Variants in MACROD1 observed in about 807,000 individuals in gnomAD.
MACROD1 encodes the protein ADP-ribose glycohydrolase MACROD1.
MACROD1 carries 31 observed loss-of-function variants against 41.4 expected under a neutral mutation model. The observed-to-expected ratio is 0.75, with a 90% CI of 0.56 to 1.01. The LOEUF is 1.01. Among genes scored for constraint, MACROD1 ranks in the 50% least tolerant of loss-of-function variants. The probability of loss-of-function intolerance (pLI) is 0.00; values close to 1 mark genes in which losing one functional copy is unlikely to be tolerated. For missense variants in MACROD1, 473 were observed against 460.0 expected, an observed-to-expected ratio of 1.03 and a Z score of -0.26; for synonymous variants, 252 against 203.4, an observed-to-expected ratio of 1.24 and a Z score of -2.03.
At chr11:64,118,242 C>G in intron 3 of MACROD1, 2 of 1,605,152 alleles carry the variant, frequency 1.2e-6, no homozygotes, top group Non-Finnish European at 1.7e-6. Context: ...CGGCACCACG[C>G]GGGGCTACCG....
intron 1 of MACROD1, among the ~76,000 whole-genome samples, chr11:64,159,320 G>GAAAAAAA (rs34061690): frequency 9.6e-6 from 1 of 104,018 alleles, no homozygotes; most frequent in Non-Finnish European, 1.9e-5. Flanking sequence ...CTCCGTCTCA[G>GAAAAAAA]AAAAAAAAAA....
At chr11:64,092,154 C>T (rs1477974976) in intron 3 of MACROD1, among the ~76,000 whole-genome samples, 3 of 152,220 alleles carry the variant, frequency 2.0e-5, no homozygotes, top group South Asian at 2.1e-4. Flanking sequence ...CGTGGCATCC[C>T]GAGTGGGTGG....
intron 3 of MACROD1, among the ~76,000 whole-genome samples, chr11:64,139,204 T>A (rs190309227): frequency 2.4e-4 from 37 of 152,044 alleles, no homozygotes; most frequent in African/African-American, 8.7e-4. Context: ...GTGCCCATCC[T>A]CCCCCGGATC....
At chr11:64,019,172 A>G (rs1157413845) in intron 3 of MACROD1, among the ~76,000 whole-genome samples, 1 of 152,152 alleles carries the variant, frequency 6.6e-6, no homozygotes, top group Non-Finnish European at 1.5e-5. Context: ...AGTCACCTGT[A>G]GGCCCCCACT....
At position 64,134,655 on chromosome 11, in the gene MACROD1, G is replaced by A. The variant is rs114345076; in HGVS notation, c.517+16584C>T. Among the ~76,000 whole-genome samples the A allele has an allele frequency of 2.5e-3, 382 of 152,140 alleles. 1 individual carries two copies. Among genetic ancestry groups the A allele is most frequent in the African/African-American group, 8.7e-3 (361 of 41,520 alleles). On this transcript the variant is annotated intron_variant, in intron 3 of 10. Coordinates refer to ENST00000255681, the MANE Select transcript of MACROD1 (RefSeq NM_014067.4). ...AGGAAGCACCTGCCTCCCCGGCTGCGCCACACCTGTACACAGCAATACTTC... is the reference window on the plus strand; with the variant it reads ...AGGAAGCACCTGCCTCCCCGGCTGCACCACACCTGTACACAGCAATACTTC...
At chr11:64,006,361 C>G (rs1428933369) in intron 4 of MACROD1, among the ~76,000 whole-genome samples, 1 of 152,208 alleles carries the variant, frequency 6.6e-6, no homozygotes. Flanking sequence ...CCAGCCCCGG[C>G]TCTGTGCTAG....
chr11:64,156,747 A>G (rs1945674426), intron 1 of MACROD1, among the ~76,000 whole-genome samples: 2 of 152,114 alleles, frequency 1.3e-5, no homozygotes, highest in South Asian at 4.2e-4. Context: ...CTTCCCAGAG[A>G]CAGCATGCTG....
At chr11:64,138,999 T>C (rs993786827) in intron 3 of MACROD1, among the ~76,000 whole-genome samples, 1 of 152,112 alleles carries the variant, frequency 6.6e-6, no homozygotes, top group African/African-American at 2.4e-5. Context: ...ACTCCTGACC[T>C]CAGGTGATCC....
chr11:64,021,403 A>C (rs1339436754), intron 3 of MACROD1, among the ~76,000 whole-genome samples: 1 of 152,186 alleles, frequency 6.6e-6, no homozygotes, highest in African/African-American at 2.4e-5. Context: ...CCTCCAGCCC[A>C]GGGAGGGGGG....
intron 4 of MACROD1, among the ~76,000 whole-genome samples, chr11:64,007,333 G>A (rs1471547736): frequency 1.3e-5 from 2 of 152,228 alleles, no homozygotes; most frequent in African/African-American, 4.8e-5. Context: ...CTGGCCCCGA[G>A]GAAGGAGGGA....
chr11:64,094,126 G>A (rs890694135), intron 3 of MACROD1, among the ~76,000 whole-genome samples: 20 of 152,288 alleles, frequency 1.3e-4, no homozygotes, highest in East Asian at 5.8e-4. Context: ...GTGAAACCCC[G>A]ACTCTATTAA....
At chr11:64,143,133 TGGGAGGGA>T (rs376739540) in intron 3 of MACROD1, among the ~76,000 whole-genome samples, 16 of 6,332 alleles carry the variant, frequency 2.5e-3, no homozygotes, top group African/African-American at 0.01. Context: ...GAAGGGAGGG[TGGGAGGGA>T]GGGAGGGAGG....
chr11:64,157,255 G>A (rs935728730), intron 1 of MACROD1, among the ~76,000 whole-genome samples: 4 of 152,216 alleles, frequency 2.6e-5, no homozygotes, highest in Non-Finnish European at 5.9e-5. Context: ...ACCACACCCA[G>A]CTAATTTTTT....
At chr11:64,145,083 C>G (rs1164194960) in intron 3 of MACROD1, among the ~76,000 whole-genome samples, 1 of 152,184 alleles carries the variant, frequency 6.6e-6, no homozygotes, top group Non-Finnish European at 1.5e-5. Flanking sequence ...CAGGGGCTGC[C>G]GGTGCTTGGG....
chr11:63,998,706 CAG>C lies in MACROD1; in HGVS notation c.*31-21_*31-20del, dbSNP rs1942757680. 10 of 1,394,910 alleles carry C rather than the reference CAG, an allele frequency of 7.2e-6. No homozygotes were observed. The African/African-American group carries it at 7.4e-5, about 10-fold the overall frequency. The allele number at this position is 1,394,910 out of a possible 1,614,324, so 86.4% of individuals were successfully genotyped here. The stretch of plus-strand genomic sequence containing the variant: ...GGCGGGTCTGAGGGCAGAGCAGAGT[CAG>C]AGGTGTCTATGGGCGTCCCCGACCT... On this transcript the variant is annotated intron_variant, in intron 10 of 10. Transcript: ENST00000255681.
chr11:64,027,818 C>T (rs558440522), intron 3 of MACROD1, among the ~76,000 whole-genome samples: 2 of 152,320 alleles, frequency 1.3e-5, no homozygotes, highest in South Asian at 4.1e-4. Flanking sequence ...AGGTTCCCCT[C>T]CCCCACCACG....
intron 3 of MACROD1, among the ~76,000 whole-genome samples, chr11:64,114,855 A>C (rs900884393): frequency 2.0e-5 from 3 of 152,202 alleles, no homozygotes; most frequent in Non-Finnish European, 2.9e-5. Flanking sequence ...GCCTCAGGAA[A>C]ACCTAGCAGA....
chr11:64,121,867 C>T (rs918843768), intron 3 of MACROD1, among the ~76,000 whole-genome samples: 6 of 152,192 alleles, frequency 3.9e-5, no homozygotes, highest in Middle Eastern at 6.8e-3. Flanking sequence ...ATAAAAAAAG[C>T]CCATGACGCT....
intron 3 of MACROD1, among the ~76,000 whole-genome samples, chr11:64,016,394 C>T (rs577070686): frequency 1.3e-5 from 2 of 152,374 alleles, no homozygotes; most frequent in South Asian, 2.1e-4. Flanking sequence ...CAGCTGCGCC[C>T]GCCCCTCTGC....
Sources: allele counts gnomAD v4.1 joint callset (sites outside exome capture counted in the v4.1 genomes callset), GRCh38; gene constraint gnomAD v4.1.1; transcripts MANE v1.5; gene names NCBI Gene and HGNC (gene_info 2026-07-23, HGNC 2026-07-21).